The following GABBR2 variants were observed in gnomAD, a reference collection of about 807,000 sequenced individuals.
GABBR2 encodes G-protein coupled receptor 51.
A neutral mutation model predicts 105.6 loss-of-function variants in GABBR2; 23 were observed. That is an observed-to-expected ratio of 0.22 (90% CI 0.16 to 0.31). The LOEUF (loss-of-function observed/expected upper bound fraction) is 0.31, where lower values mean the gene tolerates loss of function less well. GABBR2 is among the 10% of genes least tolerant of loss of function. The probability of loss-of-function intolerance (pLI) is 1.00; values close to 1 mark genes in which losing one functional copy is unlikely to be tolerated. For synonymous variants in GABBR2, 478 were observed against 499.7 expected, an observed-to-expected ratio of 0.96 and a Z score of 0.58; for missense variants, 734 against 1,245.5, an observed-to-expected ratio of 0.59 and a Z score of 6.18.
intron 1 of GABBR2, among the ~76,000 whole-genome samples, chr9:98,636,485 C>CCTTTTT (rs1829878231): frequency 1.5e-5 from 1 of 66,174 alleles, no homozygotes; most frequent in African/African-American, 6.0e-5. Flanking sequence ...TCTTTCCTTT[C>CCTTTTT]TTTTTTTTTT....
intron 13 of GABBR2, among the ~76,000 whole-genome samples, chr9:98,344,498 T>G (rs1178862473): frequency 6.6e-6 from 1 of 152,176 alleles, no homozygotes; most frequent in East Asian, 1.9e-4. Flanking sequence ...ACAGGGCCAG[T>G]TCATGGGACA....
intron 7 of GABBR2, among the ~76,000 whole-genome samples, chr9:98,414,310 C>T (rs1832646233): frequency 6.6e-6 from 1 of 152,090 alleles, no homozygotes; most frequent in Non-Finnish European, 1.5e-5. Flanking sequence ...GGGAGAATAT[C>T]CTGGAAGGAG....
At chr9:98,315,883 A>G (rs1314046803) in intron 13 of GABBR2, among the ~76,000 whole-genome samples, 3 of 152,218 alleles carry the variant, frequency 2.0e-5, no homozygotes, top group Non-Finnish European at 4.4e-5. Flanking sequence ...ATGAGGCCAG[A>G]TTTCCAAGCA....
intron 13 of GABBR2, among the ~76,000 whole-genome samples, chr9:98,326,304 C>T (rs1003705753): frequency 2.0e-5 from 3 of 152,200 alleles, no homozygotes; most frequent in African/African-American, 7.2e-5. Context: ...CATATATAAT[C>T]TCATGTGCTC....
chr9:98,350,041 G>A (rs1197321248), intron 13 of GABBR2, among the ~76,000 whole-genome samples: 3 of 151,754 alleles, frequency 2.0e-5, no homozygotes, highest in African/African-American at 4.8e-5. Flanking sequence ...GGATATAGTT[G>A]TTCATAATAG....
chr9:98,346,709 A>G (rs555219208), intron 13 of GABBR2, among the ~76,000 whole-genome samples: 11 of 151,992 alleles, frequency 7.2e-5, no homozygotes, highest in African/African-American at 2.7e-4. Flanking sequence ...TTGTTAACCA[A>G]CCTCTCCCCA....
intron 1 of GABBR2, among the ~76,000 whole-genome samples, chr9:98,602,573 G>A (rs902141845): frequency 2.0e-5 from 3 of 151,880 alleles, no homozygotes; most frequent in Non-Finnish European, 4.4e-5. Context: ...TTACAGGCGC[G>A]AGCCACTGCA....
chr9:98,400,055 C>G lies in GABBR2; in HGVS notation c.1298-5800G>C, dbSNP rs1832365244. Among the ~76,000 whole-genome samples, 6 of 149,272 alleles carry G rather than the reference C, an allele frequency of 4.0e-5. No individual in the cohort carries two copies. In the South Asian group the frequency reaches 1.3e-3, roughly 32 times the overall value. ...AAAAACCTAGCCAGGCATGGTGGTG[C>G]ACGCCTGTAGTTCAGCTACTTGGGA... On this transcript the variant is annotated intron_variant, in intron 8 of 18. Transcript: ENST00000259455.
chr9:98,592,261 A>T (rs1490080860), intron 1 of GABBR2, among the ~76,000 whole-genome samples: 1 of 152,224 alleles, frequency 6.6e-6, no homozygotes, highest in Non-Finnish European at 1.5e-5. Context: ...TATGACTGCC[A>T]CAGATGATCT....
intron 18 of GABBR2, among the ~76,000 whole-genome samples, chr9:98,291,520 G>A (rs1453315137): frequency 1.3e-5 from 2 of 152,080 alleles, no homozygotes; most frequent in African/African-American, 4.8e-5. Flanking sequence ...CTTCTTGCTG[G>A]GCCAATTCCC....
intron 7 of GABBR2, among the ~76,000 whole-genome samples, chr9:98,445,875 C>T (rs1564071953): frequency 6.6e-6 from 1 of 152,236 alleles, no homozygotes; most frequent in South Asian, 2.1e-4. Context: ...GGGACACCAT[C>T]AGCATCTGCT....
intron 7 of GABBR2, among the ~76,000 whole-genome samples, chr9:98,420,023 C>T (rs896053941): frequency 1.3e-5 from 2 of 152,118 alleles, no homozygotes; most frequent in Non-Finnish European, 2.9e-5. Flanking sequence ...ACGTAAGATG[C>T]TGGGTCAGAC....
intron 8 of GABBR2, among the ~76,000 whole-genome samples, chr9:98,397,988 G>A (rs1285303490): frequency 6.6e-6 from 1 of 152,180 alleles, no homozygotes; most frequent in East Asian, 1.9e-4. Flanking sequence ...CCAGCCAGGT[G>A]GTAGCCATGA....
intron 11 of GABBR2, among the ~76,000 whole-genome samples, chr9:98,384,522 G>A (rs1465977831): frequency 2.0e-5 from 3 of 151,942 alleles, no homozygotes; most frequent in South Asian, 2.1e-4. Flanking sequence ...CCCAGGAGGC[G>A]GAGGTTGCAG....
chr9:98,439,721 G>A (rs995764462), intron 7 of GABBR2, among the ~76,000 whole-genome samples: 3 of 152,158 alleles, frequency 2.0e-5, no homozygotes, highest in Non-Finnish European at 2.9e-5. Context: ...TGAAGCAGCT[G>A]GTTGGGGACC....
In GABBR2 at chr9:98,306,202, C is replaced by T; in HGVS notation, c.2148G>A (p.Gln716=). The change falls in exon 15 of 19, where the codon CAG becomes CAA. Residue 716 remains glutamine (Q), a synonymous_variant. Transcript: ENST00000259455. This position sits in a 1 kb window ranked among gnomAD's most constrained non-coding sequence, Gnocchi z 5.4. ...CCACGATGCAGAACTGCACATTGGG[C>T]TGGTCCCGGGTCAGGAAGGAGACAG... The part of the protein sequence containing the change: ...GAAVSFLTRD[Q]PNVQFCIVAL... 1.2e-6 allele frequency: 2 copies of T among 1,614,194 alleles called. No individual in the cohort carries two copies. The highest frequency in any genetic ancestry group is 1.7e-6 in the Non-Finnish European group (2 of 1,180,028).
chr9:98,628,608 C>G (rs1277880779), intron 1 of GABBR2, among the ~76,000 whole-genome samples: 2 of 152,078 alleles, frequency 1.3e-5, no homozygotes, highest in Non-Finnish European at 2.9e-5. Flanking sequence ...CGCTGCTGTA[C>G]TTGACTTTTC....
chr9:98,609,788 G>A (rs1432694040), intron 1 of GABBR2, among the ~76,000 whole-genome samples: 1 of 152,194 alleles, frequency 6.6e-6, no homozygotes, highest in Non-Finnish European at 1.5e-5. Context: ...AAGTCTTTGT[G>A]ATGCCCCGTC....
chr9:98,370,450 C>A (rs773921424), intron 12 of GABBR2, among the ~76,000 whole-genome samples: 30 of 152,134 alleles, frequency 2.0e-4, no homozygotes, highest in African/African-American at 7.2e-4. Flanking sequence ...GTATTTCCTG[C>A]CTCTTCCACC....
Sources: gnomAD v4.1 joint callset for allele counts (sites outside exome capture counted in the v4.1 genomes callset) on GRCh38, gnomAD v4.1.1 for gene constraint, Gnocchi (gnomAD v3.1) non-coding constraint, MANE v1.5 for transcripts, NCBI Gene and HGNC (gene_info 2026-07-23, HGNC 2026-07-21) for gene names.